RNF150: variants seen among roughly 807,000 people sequenced by gnomAD.
The protein encoded by RNF150 is ring finger protein 150.
RNF150 carries 24 observed loss-of-function variants against 39.3 expected under a neutral mutation model. The ratio of observed to expected loss-of-function variants is 0.61; its 90% CI spans 0.44 to 0.86. The LOEUF (loss-of-function observed/expected upper bound fraction) is 0.86, where lower values mean the gene tolerates loss of function less well. Among genes scored for constraint, RNF150 ranks in the 40% least tolerant of loss-of-function variants. RNF150 has a pLI of 0.00. For missense variants in RNF150, 502 were observed against 587.8 expected, an observed-to-expected ratio of 0.85 and a Z score of 1.51; for synonymous variants, 255 against 227.3, an observed-to-expected ratio of 1.12 and a Z score of -1.10.
chr4:140,930,158 C>T (rs946809507), intron 4 of RNF150, among the ~76,000 whole-genome samples: 2 of 151,764 alleles, frequency 1.3e-5, no homozygotes, highest in African/African-American at 4.8e-5. Context: ...AAGACTCTAC[C>T]TCAAAACCAA....
At chr4:141,152,443 T>C (rs1435131) in intron 1 of RNF150, among the ~76,000 whole-genome samples, 135,977 of 152,252 alleles carry the variant, frequency 0.89, 62,670 homozygotes, top group Non-Finnish European at 1. Flanking sequence ...TTTTGACCTA[T>C]GACATGACTT....
At chr4:141,006,292 A>G (rs1277810374) in intron 1 of RNF150, among the ~76,000 whole-genome samples, 1 of 129,440 alleles carries the variant, frequency 7.7e-6, no homozygotes, top group African/African-American at 2.9e-5. Flanking sequence ...ATACGTATAT[A>G]TATACACACA....
intron 1 of RNF150, among the ~76,000 whole-genome samples, chr4:141,014,782 T>A (rs926367268): frequency 5.9e-5 from 8 of 135,190 alleles, no homozygotes; most frequent in Non-Finnish European, 1.3e-4. Context: ...TGTAGGTTGT[T>A]CCTTTACTTT....
intron 1 of RNF150, among the ~76,000 whole-genome samples, chr4:141,178,143 T>A (rs1045500339): frequency 7.9e-5 from 12 of 152,020 alleles, no homozygotes; most frequent in African/African-American, 2.9e-4. Context: ...CTTTTTGGAG[T>A]TGTCTGAAAA....
chr4:140,934,934 TTA>T (rs1731778360), intron 4 of RNF150, among the ~76,000 whole-genome samples: 1 of 147,606 alleles, frequency 6.8e-6, no homozygotes, highest in Non-Finnish European at 1.5e-5. Context: ...AAATTAGACA[TTA>T]TATGCAAAAG....
At chr4:141,185,830 GT>G (rs1727998366) in intron 1 of RNF150, among the ~76,000 whole-genome samples, 1 of 151,884 alleles carries the variant, frequency 6.6e-6, no homozygotes, top group Non-Finnish European at 1.5e-5. Context: ...GATGAATTAT[GT>G]TTATTGATTT....
At chr4:140,934,525 A>G (rs186463499) in intron 4 of RNF150, among the ~76,000 whole-genome samples, 176 of 152,318 alleles carry the variant, frequency 1.2e-3, no homozygotes, top group African/African-American at 3.8e-3. Context: ...TTCTACGAAA[A>G]GTCTGCTTTC....
chr4:141,034,403 C>A (rs1446134528), intron 1 of RNF150, among the ~76,000 whole-genome samples: 2 of 152,132 alleles, frequency 1.3e-5, no homozygotes, highest in African/African-American at 2.4e-5. Flanking sequence ...TCTACCTAGA[C>A]CACTCAAACT....
chr4:140,913,725 T>C (rs1324174700), intron 5 of RNF150, among the ~76,000 whole-genome samples: 1 of 152,190 alleles, frequency 6.6e-6, no homozygotes, highest in Non-Finnish European at 1.5e-5. Flanking sequence ...CACACTATAT[T>C]GACTTTGGAT....
In RNF150 at chr4:141,082,492, A is replaced by G. The variant is rs533245757; in HGVS notation, c.484+49833T>C. Among the ~76,000 whole-genome samples, 19 of 152,362 alleles carry G rather than the reference A, an allele frequency of 1.2e-4. 1 individual carries two copies. The highest frequency in any genetic ancestry group is 1.2e-3 in the Admixed American group (19 of 15,304). On this transcript the variant is annotated intron_variant, in intron 1 of 6. Coordinates refer to ENST00000515673, the MANE Select transcript of RNF150 (RefSeq NM_020724.2). ...ATTTTATGACAGTCCTCAGCCCTCAATGTGCTCCTAATCCTGCCTTTCTAC... is the reference window on the plus strand; with the variant it reads ...ATTTTATGACAGTCCTCAGCCCTCAGTGTGCTCCTAATCCTGCCTTTCTAC...
At position 141,156,011 on chromosome 4, in the gene RNF150, G is replaced by GCAA. The variant is rs750973291; in HGVS notation, c.-6+56780_-6+56782dup. The stretch of plus-strand genomic sequence containing the variant: ...GGCTGGAAGGAGGAGGAAAAAGGAG[G>GCAA]CAACATGGACCTTCCATCCCATCAT... On this transcript the variant is annotated intron_variant, in intron 1 of 7. Transcript: ENST00000420921. 2.0e-5 allele frequency among the ~76,000 whole-genome samples: 3 copies of GCAA among 150,580 alleles called. No homozygotes were observed. In the East Asian group the frequency reaches 5.9e-4, roughly 30 times the overall value.
At chr4:141,053,367 T>C (rs1236076149) in intron 1 of RNF150, among the ~76,000 whole-genome samples, 2 of 151,812 alleles carry the variant, frequency 1.3e-5, no homozygotes, top group African/African-American at 4.8e-5. Context: ...GTACCAAAAT[T>C]TAAAAAAAAT....
chr4:141,041,209 C>G (rs949435548), intron 1 of RNF150, among the ~76,000 whole-genome samples: 1 of 152,244 alleles, frequency 6.6e-6, no homozygotes, highest in Admixed American at 6.6e-5. Flanking sequence ...ATCATTATAA[C>G]CTACTGTGTT....
chr4:140,879,790 T>A (rs1362719416), intron 6 of RNF150, among the ~76,000 whole-genome samples: 2 of 152,046 alleles, frequency 1.3e-5, no homozygotes, highest in African/African-American at 4.8e-5. Flanking sequence ...TTGTACTCCA[T>A]CCTGTGTGGC....
chr4:141,127,027 T>C lies in RNF150; in HGVS notation c.484+5298A>G, dbSNP rs148505570. Among the ~76,000 whole-genome samples the C allele has an allele frequency of 1.6e-3, 246 of 152,268 alleles. 2 individuals are homozygous for C. Among genetic ancestry groups the C allele is most frequent in the African/African-American group, 5.5e-3 (229 of 41,560 alleles). ...GAAATCAGCCTTAGATCGCTTCCTA[T>C]ATCTATGATTAAGTAATCACTGCTC... On this transcript the variant is annotated intron_variant, in intron 1 of 6. Coordinates refer to ENST00000515673, the MANE Select transcript of RNF150 (RefSeq NM_020724.2).
At chr4:140,912,198 C>G (rs1378685964) in intron 5 of RNF150, among the ~76,000 whole-genome samples, 1 of 152,184 alleles carries the variant, frequency 6.6e-6, no homozygotes, top group East Asian at 1.9e-4. Context: ...ACTCTTTTAT[C>G]TCAGTTCTGC....
chr4:140,892,676 CT>C (rs1277955805), intron 6 of RNF150, among the ~76,000 whole-genome samples: 5 of 135,718 alleles, frequency 3.7e-5, no homozygotes, highest in African/African-American at 1.9e-4. Context: ...TCGCAGGCTC[CT>C]TCCCCCTGGG....
intron 1 of RNF150, among the ~76,000 whole-genome samples, chr4:141,121,562 C>T (rs1268252419): frequency 6.6e-6 from 1 of 152,146 alleles, no homozygotes; most frequent in Non-Finnish European, 1.5e-5. Flanking sequence ...ATTACAAGGT[C>T]TAATCACTTC....
chr4:141,197,476 C>A (rs954677048), intron 1 of RNF150, among the ~76,000 whole-genome samples: 3 of 152,090 alleles, frequency 2.0e-5, no homozygotes, highest in Admixed American at 6.6e-5. Flanking sequence ...AAACCATTTT[C>A]AGAATAACAA....
Sources: allele counts gnomAD v4.1 joint callset (sites outside exome capture counted in the v4.1 genomes callset), GRCh38; gene constraint gnomAD v4.1.1; transcripts MANE v1.5; gene names NCBI Gene and HGNC (gene_info 2026-07-23, HGNC 2026-07-21).